The following DCC variants were observed in gnomAD, a reference collection of about 807,000 sequenced individuals.
DCC encodes DCC netrin 1 receptor, also known as netrin receptor DCC.
In DCC, 58 loss-of-function variants were observed where a neutral mutation model predicts 172.5. That is an observed-to-expected ratio of 0.34 (90% CI 0.27 to 0.42). DCC has a LOEUF of 0.42. DCC is among the 10% of genes least tolerant of loss of function. The pLI is 1.00. For synonymous variants in DCC, 709 were observed against 644.5 expected, an observed-to-expected ratio of 1.10 and a Z score of -1.52; for missense variants, 1,740 against 1,791.0, an observed-to-expected ratio of 0.97 and a Z score of 0.51.
At chr18:53,467,632 C>T (rs1284766178) in intron 24 of DCC, among the ~76,000 whole-genome samples, 6 of 152,240 alleles carry the variant, frequency 3.9e-5, no homozygotes, top group East Asian at 3.9e-4. Context: ...AATGTACGCT[C>T]TCCCACTTTC....
At chr18:53,250,682 T>G (rs995850249) in intron 12 of DCC, among the ~76,000 whole-genome samples, 1 of 151,898 alleles carries the variant, frequency 6.6e-6, no homozygotes, top group Non-Finnish European at 1.5e-5. Flanking sequence ...TCTTATATCT[T>G]TAACTGCCCA....
At chr18:53,503,071 T>A (rs1373622721) in intron 27 of DCC, among the ~76,000 whole-genome samples, 1 of 151,968 alleles carries the variant, frequency 6.6e-6, no homozygotes, top group Non-Finnish European at 1.5e-5. Context: ...CCCTGTGGAT[T>A]TTCATGGGCA....
At position 52,925,362 on chromosome 18, in the gene DCC, C is replaced by T; in HGVS notation, c.977C>T (p.Thr326Ile). Residue 326 changes from threonine to isoleucine, a missense_variant, in exon 5 of 29, where the codon ACA becomes ATA. Around this residue, in one of 2 missense-constraint regions of DCC, gnomAD observed 1,732 missense variants for 1,767.4 expected, o/e 0.98. Coordinates refer to ENST00000442544, the MANE Select transcript of DCC (RefSeq NM_005215.4). ...NENISASAEL[T>I]VLVPPWFLNH... ...AATATTAGTGCCTCTGCAGAGCTCACAGTCTTGGGTAAGTTAGTGGCTGGA... is the reference window on the plus strand; with the variant it reads ...AATATTAGTGCCTCTGCAGAGCTCATAGTCTTGGGTAAGTTAGTGGCTGGA... 1 of 1,612,170 alleles carries T rather than the reference C, an allele frequency of 6.2e-7. No individual in the cohort carries two copies. Among genetic ancestry groups the T allele is most frequent in the Non-Finnish European group, 8.5e-7 (1 of 1,178,570 alleles).
chr18:53,486,651 G>T, intron 25 of DCC, 146 bp from the exon 26 acceptor site: 1 of 976,666 alleles, frequency 1.0e-6, no homozygotes, highest in Non-Finnish European at 1.6e-6. Context: ...AAGTGGGATT[G>T]GTGGAGAGAG....
At chr18:52,473,675 A>G (rs1431510304) in intron 1 of DCC, among the ~76,000 whole-genome samples, 1 of 152,160 alleles carries the variant, frequency 6.6e-6, no homozygotes, top group East Asian at 1.9e-4. Context: ...AGAACAGGAT[A>G]GGGGAAACTG....
intron 1 of DCC, among the ~76,000 whole-genome samples, chr18:52,571,806 G>T (rs1292887725): frequency 6.6e-6 from 1 of 152,132 alleles, no homozygotes; most frequent in South Asian, 2.1e-4. Context: ...TTCGGTTCTG[G>T]TCTTTCAGTC....
intron 12 of DCC, among the ~76,000 whole-genome samples, chr18:53,233,177 G>A (rs2056148645): frequency 6.6e-6 from 1 of 152,064 alleles, no homozygotes; most frequent in Admixed American, 6.5e-5. Context: ...AGATATGAAT[G>A]ACCCTAAAAA....
chr18:52,565,137 T>C (rs968828767), intron 1 of DCC, among the ~76,000 whole-genome samples: 26 of 152,112 alleles, frequency 1.7e-4, no homozygotes, highest in African/African-American at 6.3e-4. Context: ...CTATGTACTT[T>C]TAAACATTTA....
intron 27 of DCC, among the ~76,000 whole-genome samples, chr18:53,521,683 T>C (rs992465827): frequency 7.9e-5 from 12 of 152,142 alleles, no homozygotes; most frequent in Non-Finnish European, 1.6e-4. Flanking sequence ...TTAGAGTGAA[T>C]TGATTTTCAG....
chr18:53,264,476 C>CAAAAA (rs935972832), intron 12 of DCC, among the ~76,000 whole-genome samples: 7 of 46,280 alleles, frequency 1.5e-4, no homozygotes, highest in African/African-American at 4.0e-4. Flanking sequence ...AACTCCGTCT[C>CAAAAA]AAAAAAAAAA....
At chr18:53,028,840 T>G (rs1345397035) in intron 5 of DCC, among the ~76,000 whole-genome samples, 2 of 152,122 alleles carry the variant, frequency 1.3e-5, no homozygotes, top group African/African-American at 4.8e-5. Flanking sequence ...ACAAATAAAT[T>G]CAGAAATGTC....
At chr18:52,410,098 A>G (rs1248249428) in intron 1 of DCC, among the ~76,000 whole-genome samples, 1 of 152,122 alleles carries the variant, frequency 6.6e-6, no homozygotes, top group African/African-American at 2.4e-5. Context: ...CCTGACAATG[A>G]GTTCTTCCAA....
intron 2 of DCC, among the ~76,000 whole-genome samples, chr18:52,830,127 G>A (rs1181978392): frequency 6.6e-6 from 1 of 152,136 alleles, no homozygotes. Context: ...AGCAAGCCAG[G>A]AAGAGAGGAA....
chr18:52,738,432 A>G (rs1204661050), intron 1 of DCC, among the ~76,000 whole-genome samples: 1 of 152,202 alleles, frequency 6.6e-6, no homozygotes, highest in African/African-American at 2.4e-5. Flanking sequence ...TGTAGGTAAC[A>G]TGATGGTATT....
Position 52,383,293 on chromosome 18 carries a change from G to A in DCC, c.91+42415G>A, listed in dbSNP as rs1166041629. Among the ~76,000 whole-genome samples, 5 of 151,956 alleles carry A rather than the reference G, an allele frequency of 3.3e-5. No homozygotes were observed. In the East Asian group the frequency reaches 7.7e-4, roughly 24 times the overall value. ...TTACCATATTCCATGCAAGAGAGGC[G>A]GTATTACAAGAAACAGACTGGTGAG... is the stretch of plus-strand genomic sequence containing the variant. On this transcript the variant is annotated intron_variant, in intron 1 of 28. Transcript: ENST00000442544.
intron 1 of DCC, among the ~76,000 whole-genome samples, chr18:52,635,071 A>T (rs940333582): frequency 5.9e-5 from 9 of 152,150 alleles, no homozygotes. Context: ...TGGTTTCTAG[A>T]ACCTTGATTT....
intron 5 of DCC, among the ~76,000 whole-genome samples, chr18:52,933,083 G>T (rs927480150): frequency 3.9e-5 from 6 of 152,050 alleles, no homozygotes; most frequent in African/African-American, 1.4e-4. Context: ...CACCTTAATA[G>T]CTCATTGCTC....
At chr18:53,437,800 C>T (rs1488104475) in intron 22 of DCC, among the ~76,000 whole-genome samples, 1 of 152,116 alleles carries the variant, frequency 6.6e-6, no homozygotes, top group African/African-American at 2.4e-5. Flanking sequence ...TTCAAGCAGT[C>T]AGTCAAGAAA....
At chr18:53,025,519 C>G (rs573184952) in intron 5 of DCC, among the ~76,000 whole-genome samples, 1 of 152,078 alleles carries the variant, frequency 6.6e-6, no homozygotes, top group Non-Finnish European at 1.5e-5. Context: ...ACATAAGATT[C>G]AACTGTGATA....
Sources: allele counts gnomAD v4.1 joint callset (sites outside exome capture counted in the v4.1 genomes callset), GRCh38; gene constraint gnomAD v4.1.1; regional missense constraint gnomAD v4.1.1; transcripts MANE v1.5; gene names NCBI Gene and HGNC (gene_info 2026-07-23, HGNC 2026-07-21).